ABCA4: variants seen among roughly 807,000 people sequenced by gnomAD.
ABCA4 encodes ATP binding cassette subfamily A member 4.
A neutral mutation model predicts 263.7 loss-of-function variants in ABCA4; 196 were observed. The observed-to-expected ratio is 0.74, with a 90% CI of 0.66 to 0.84. ABCA4 has a LOEUF of 0.84. Ranked by LOEUF, ABCA4 falls within the 40% of genes least tolerant of loss-of-function variation. The pLI, the probability that ABCA4 is intolerant of heterozygous loss-of-function variation, is 0.00. For missense variants in ABCA4, 2,792 were observed against 2,855.1 expected, an observed-to-expected ratio of 0.98 and a Z score of 0.50; for synonymous variants, 1,133 against 1,094.2, an observed-to-expected ratio of 1.04 and a Z score of -0.70.
intron 15 of ABCA4, among the ~76,000 whole-genome samples, chr1:94,056,180 T>C (rs906102673): frequency 6.6e-6 from 1 of 152,218 alleles, no homozygotes; most frequent in Non-Finnish European, 1.5e-5. Context: ...ATACTCCAAT[T>C]CAAGTTTTTT....
chr1:94,031,751 C>G (rs972453086), intron 27 of ABCA4, 27 bp downstream of exon 27: 4 of 1,612,724 alleles, frequency 2.5e-6, no homozygotes, highest in Non-Finnish European at 3.4e-6. Context: ...CCACTGAGCT[C>G]AGCTAAACAC....
rs1215148930 is a variant in ABCA4, at chr1:94,031,267, A to T, written c.4129-147T>A. The T allele has an allele frequency of 4.5e-6, 5 of 1,113,278 alleles. No individual in the cohort carries two copies. The East Asian group carries it at 1.0e-4, about 23-fold the overall frequency. 69.0% of individuals were successfully genotyped at this position (1,113,278 alleles called of 1,614,324 possible). A position where few individuals can be genotyped will look rare whatever the true frequency, so the allele number is the denominator to read the frequency against. ...GAGAGGGTTGGGCTTCTGGGGGAAC[A>T]TAATAAGCAGGGTGTGCAAAGGTAA... On this transcript the variant is annotated intron_variant, in intron 27 of 49. Coordinates refer to ENST00000370225, the MANE Select transcript of ABCA4 (RefSeq NM_000350.3).
chr1:94,046,443 T>C (rs1374496368), intron 19 of ABCA4, among the ~76,000 whole-genome samples: 2 of 32,010 alleles, frequency 6.2e-5, no homozygotes, highest in South Asian at 1.2e-3. Flanking sequence ...GCATGGGTAA[T>C]GGTTACTATC....
At chr1:93,995,477 G>T (rs1483366462) in intron 49 of ABCA4, among the ~76,000 whole-genome samples, 2 of 152,114 alleles carry the variant, frequency 1.3e-5, no homozygotes, top group African/African-American at 2.4e-5. Flanking sequence ...TTCTTGGGTG[G>T]TGTGCTCCTT....
intron 37 of ABCA4, among the ~76,000 whole-genome samples, chr1:94,015,266 C>T (rs1337522124): frequency 6.6e-6 from 1 of 152,158 alleles, no homozygotes; most frequent in African/African-American, 2.4e-5. Flanking sequence ...CATGCTGGGC[C>T]CTGTAACTCT....
intron 9 of ABCA4, 131 bp from the exon 10 acceptor site, chr1:94,078,837 C>T: frequency 1.3e-6 from 1 of 769,902 alleles, no homozygotes; most frequent in Non-Finnish European, 2.4e-6. Flanking sequence ...TTTTTATTTT[C>T]TCAGTCTATT....
Position 94,111,473 on chromosome 1 carries a change from T to A in ABCA4, c.267A>T (p.Glu89Asp). 6.2e-7 allele frequency: 1 copy of A among 1,614,152 alleles called. No individual in the cohort carries two copies. Among genetic ancestry groups the A allele is most frequent in the South Asian group, 1.1e-5 (1 of 91,062 alleles). The change falls in exon 3 of 50, where the codon GAA (glutamate) becomes GAT (aspartate). Residue 89 changes from glutamate to aspartate, a missense_variant. Glu to Asp is a conservative substitution (Grantham distance 45). Transcript: ENST00000370225. Reference protein sequence around the residue: ...NPCFQSPTPGESPGIVSNYNN... With the variant: ...NPCFQSPTPGDSPGIVSNYNN... ...TATAGTTTGACACAATTCCAGGAGA[T>A]TCTCCTGGGGTGGGGCTTTGAAAAC...
At chr1:94,041,511 AC>A in intron 22 of ABCA4, 109 bp from the exon 23 acceptor site, 3 of 1,159,126 alleles carry the variant, frequency 2.6e-6, no homozygotes, top group Admixed American at 5.4e-5. Flanking sequence ...TCAGGAGTTA[AC>A]TAAAAAAAAA....
chr1:94,010,360 C>A (rs541369124), intron 40 of ABCA4, among the ~76,000 whole-genome samples: 1 of 152,116 alleles, frequency 6.6e-6, no homozygotes, highest in African/African-American at 2.4e-5. Context: ...GATCACTGCC[C>A]GCACCCCTCC....
chr1:94,072,109 T>C (rs577459052), intron 11 of ABCA4, among the ~76,000 whole-genome samples: 4 of 152,314 alleles, frequency 2.6e-5, no homozygotes, highest in South Asian at 2.1e-4. Context: ...TGGGTGGTGG[T>C]GGCATGTGGC....
chr1:94,068,319 A>G lies in ABCA4; in HGVS notation c.1555-5002T>C, dbSNP rs149278339. On this transcript the variant is annotated intron_variant, in intron 11 of 49. Transcript: ENST00000370225. ...GTCATCCTCCCCACATCTTCCCTAG[A>G]TCAAGGTAGAGCAATTGTAGAAGCT... Among the ~76,000 whole-genome samples, 103 of 152,296 alleles carry G rather than the reference A, an allele frequency of 6.8e-4. 1 individual carries two copies. Among genetic ancestry groups the G allele is most frequent in the African/African-American group, 2.1e-3 (87 of 41,566 alleles).
intron 44 of ABCA4, among the ~76,000 whole-genome samples, chr1:94,004,915 T>C (rs766241435): frequency 1.5e-4 from 23 of 152,232 alleles, no homozygotes; most frequent in Admixed American, 3.9e-4. Flanking sequence ...GCGTTCTCTA[T>C]GTTCTGTTTT....
At position 94,021,294 on chromosome 1, in the gene ABCA4, G is replaced by A; in HGVS notation, c.4964C>T (p.Thr1655Ile). The A allele has an allele frequency of 6.2e-7, 1 of 1,614,218 alleles. No homozygotes were observed. The highest frequency in any genetic ancestry group is 1.1e-5 in the South Asian group (1 of 91,080). ...CAGGTTCAGGGGTTGGCTAATGACG[G>A]TGATTCCATACTCCTCGGGGCTCCT... ...KDRSPEEYGI[T>I]VISQPLNLTK... The change falls in exon 35 of 50, where the codon ACC becomes ATC. Residue 1655 changes from threonine (T) to isoleucine (I), a missense_variant. Coordinates refer to ENST00000370225, the MANE Select transcript of ABCA4 (RefSeq NM_000350.3).
chr1:94,087,234 C>A (rs751042247), intron 6 of ABCA4, among the ~76,000 whole-genome samples: 7 of 152,170 alleles, frequency 4.6e-5, no homozygotes. Context: ...TCATTTTTAT[C>A]CCCCTGTTGC....
chr1:94,108,540 G>A (rs764102936), intron 4 of ABCA4, 37 bp downstream of exon 4: 2 of 1,612,362 alleles, frequency 1.2e-6, no homozygotes, highest in African/African-American at 1.3e-5. Flanking sequence ...CCATAGGTGA[G>A]GGAAATGATG....
chr1:94,041,020 T>C (rs976901420), intron 23 of ABCA4, among the ~76,000 whole-genome samples, 189 bp downstream of exon 23: 4 of 152,240 alleles, frequency 2.6e-5, no homozygotes, highest in Non-Finnish European at 5.9e-5. Flanking sequence ...TTGTTTCATT[T>C]TGGCTAAAGC....
chr1:94,006,716 A>C (rs1052472326), intron 43 of ABCA4, among the ~76,000 whole-genome samples: 3 of 152,188 alleles, frequency 2.0e-5, no homozygotes, highest in African/African-American at 7.2e-5. Flanking sequence ...GAGCCAGTGA[A>C]GCGTGCTCAG....
chr1:94,077,610 A>G (rs183245261), intron 11 of ABCA4, 80 bp downstream of exon 11: 1 of 1,347,816 alleles, frequency 7.4e-7, no homozygotes, highest in Non-Finnish European at 1.0e-6. Flanking sequence ...ATTCAAGACC[A>G]CTTGACTTGC....
chr1:94,080,703 T>G lies in ABCA4; in HGVS notation c.874A>C (p.Ser292Arg). The change falls in exon 8 of 50, where the codon AGT becomes CGT. Residue 292 changes from serine to arginine, a missense_variant. Transcript: ENST00000370225. ...PRIQEFIHRPSMQDLLWVTRP... is the reference protein window; with the variant it reads ...PRIQEFIHRPRMQDLLWVTRP... ...GTCACCCACAGCAAGTCCTGCATAC[T>G]CGGCCGATGGATAAACTAGGGCAAG... 6.2e-7 allele frequency: 1 copy of G among 1,614,112 alleles called. No homozygotes were observed. The highest frequency in any genetic ancestry group is 8.5e-7 in the Non-Finnish European group (1 of 1,180,040).
Sources: allele counts gnomAD v4.1 joint callset (sites outside exome capture counted in the v4.1 genomes callset), GRCh38; gene constraint gnomAD v4.1.1; transcripts MANE v1.5; gene names NCBI Gene and HGNC (gene_info 2026-07-23, HGNC 2026-07-21).